The following ORC3 variants were observed in gnomAD, a reference collection of about 807,000 sequenced individuals.
ORC3 encodes origin recognition complex subunit 3.
Under a neutral mutation model 100.7 loss-of-function variants are expected in ORC3, and 78 were observed. The observed-to-expected ratio is 0.77, with a 90% CI of 0.65 to 0.94. ORC3 has a LOEUF of 0.94. Ranked by LOEUF, ORC3 falls within the 40% of genes least tolerant of loss-of-function variation. ORC3 has a pLI of 0.00. For synonymous variants in ORC3, 295 were observed against 289.3 expected (o/e 1.02, Z -0.20); for missense variants, 789 against 823.9 (o/e 0.96, Z 0.52).
At chr6:87,656,577 A>T (rs1343376209) in intron 14 of ORC3, among the ~76,000 whole-genome samples, 1 of 150,546 alleles carries the variant, frequency 6.6e-6, no homozygotes, top group South Asian at 2.1e-4. Flanking sequence ...ACAGAGCAAG[A>T]CTCCATCTGA....
intron 9 of ORC3, 65 bp downstream of exon 9, chr6:87,616,492 A>C: frequency 1.4e-6 from 1 of 710,852 alleles, no homozygotes; most frequent in Non-Finnish European, 2.6e-6. Flanking sequence ...ACATTATTTC[A>C]GGCTGTCTAG....
chr6:87,640,696 A>G (rs142939566), intron 13 of ORC3, among the ~76,000 whole-genome samples: 307 of 152,304 alleles, frequency 2.0e-3, no homozygotes, highest in African/African-American at 7.1e-3. Context: ...TTACCCCTCT[A>G]TTGGAGAAAA....
intron 19 of ORC3, 48 bp downstream of exon 19, chr6:87,665,881 T>A: frequency 8.7e-7 from 1 of 1,146,188 alleles, no homozygotes; most frequent in Non-Finnish European, 1.3e-6. Flanking sequence ...ACATAAAATA[T>A]AAGTTTATAA....
Position 87,663,117 on chromosome 6 carries a change from A to G in ORC3, c.1806A>G (p.Ala602=), listed in dbSNP as rs1162149812. The G allele has an allele frequency of 6.2e-7, 1 of 1,612,552 alleles. No homozygotes were observed. The highest frequency in any genetic ancestry group is 1.3e-5 in the African/African-American group (1 of 74,882). The change falls in exon 17 of 20, where the codon GCA becomes GCG. Residue 602 remains alanine, a synonymous_variant. Transcript: ENST00000392844. The part of the protein sequence containing the change: ...NAAPRIALHT[A]LNNPYYYLKN... ...CTCCGCGAATTGCCCTCCATACTGC[A>G]CTCAACAATCCTTACTATTATCTCA...
chr6:87,651,239 C>T lies in ORC3; in HGVS notation c.1383-1877C>T, dbSNP rs139408274. 1.1e-4 allele frequency: 52 copies of T among 456,230 alleles called. No individual in the cohort carries two copies. The East Asian group carries it at 3.2e-3, about 28-fold the overall frequency. 28.3% of individuals were successfully genotyped at this position (456,230 alleles called of 1,614,324 possible). ...AAAGTGGACAAGAGCTGTTGCTGCC[C>T]CTATCCTGGGAAGCTAATCCTTCAC... On this transcript the variant is annotated intron_variant, in intron 13 of 19. Transcript: ENST00000392844.
intron 11 of ORC3, among the ~76,000 whole-genome samples, chr6:87,632,696 C>G (rs1167530164): frequency 2.0e-5 from 3 of 152,050 alleles, no homozygotes; most frequent in Admixed American, 2.0e-4. Flanking sequence ...AACCCTATCT[C>G]TACTAAAAAT....
chr6:87,663,132 C>T lies in ORC3; in HGVS notation c.1821C>T (p.Tyr607=). 1.2e-6 allele frequency: 2 copies of T among 1,610,702 alleles called. No individual in the cohort carries two copies. The highest frequency in any genetic ancestry group is 8.5e-7 in the Non-Finnish European group (1 of 1,177,710). Residue 607 remains tyrosine (Y), a synonymous_variant, in exon 17 of 20, where the codon TAC becomes TAT. Transcript: ENST00000392844. ...TCCATACTGCACTCAACAATCCTTA[C>T]TATTATCTCAAGGTAAGATGAACAT... ...IALHTALNNP[Y]YYLKNEALKS... is the part of the protein sequence containing the mutation.
intron 11 of ORC3, among the ~76,000 whole-genome samples, chr6:87,626,858 T>C (rs1227058830): frequency 1.3e-5 from 2 of 151,962 alleles, no homozygotes; most frequent in Admixed American, 6.6e-5. Context: ...TAATCAAAGT[T>C]TGTTCAGCAA....
intron 14 of ORC3, among the ~76,000 whole-genome samples, chr6:87,655,942 A>G (rs933609080): frequency 2.6e-5 from 4 of 152,202 alleles, no homozygotes; most frequent in African/African-American, 9.6e-5. Context: ...TGTAGCTAAA[A>G]AGCAGTTTAT....
intron 13 of ORC3, among the ~76,000 whole-genome samples, chr6:87,641,002 G>A (rs1385018750): frequency 1.3e-5 from 2 of 152,022 alleles, no homozygotes; most frequent in South Asian, 2.1e-4. Flanking sequence ...CCAGCTACTC[G>A]GGAGGCTGAG....
chr6:87,664,716 T>G (rs1771840213), intron 17 of ORC3, 27 bp from the exon 18 acceptor site: 1 of 1,540,320 alleles, frequency 6.5e-7, no homozygotes, highest in African/African-American at 1.4e-5. Flanking sequence ...TAAAAGTTAG[T>G]CATCTTAGTT....
intron 2 of ORC3, among the ~76,000 whole-genome samples, chr6:87,598,125 G>A (rs896050121): frequency 2.0e-5 from 3 of 152,130 alleles, no homozygotes; most frequent in African/African-American, 7.2e-5. Flanking sequence ...GAGCTCCTGG[G>A]CTCCGGGAAT....
At position 87,634,317 on chromosome 6, in the gene ORC3, C is replaced by T. The variant is rs75590704; in HGVS notation, c.1186-528C>T. ...AAGAGGCAGGGACTCATCAGAATCA[C>T]TTGTGTTTCTGCCATAGTCTTTTCA... On this transcript the variant is annotated intron_variant, in intron 11 of 19. Transcript: ENST00000392844. Among the ~76,000 whole-genome samples the T allele has an allele frequency of 3.9e-5, 6 of 152,148 alleles. No individual in the cohort carries two copies. The East Asian group carries it at 5.8e-4, about 15-fold the overall frequency.
downstream of ORC3, among the ~76,000 whole-genome samples, chr6:87,667,654 C>T (rs1170520680): frequency 1.3e-5 from 2 of 151,626 alleles, no homozygotes; most frequent in African/African-American, 2.4e-5. Context: ...AAAGGCCAGG[C>T]GTGGTGGCTC....
chr6:87,620,077 A>G (rs1779429002), intron 9 of ORC3, among the ~76,000 whole-genome samples: 1 of 152,192 alleles, frequency 6.6e-6, no homozygotes, highest in African/African-American at 2.4e-5. Context: ...TGATTGACCC[A>G]GATATTGAAA....
intron 2 of ORC3, chr6:87,595,042 G>C (rs902783152): frequency 6.6e-6 from 1 of 152,166 alleles, no homozygotes; most frequent in African/African-American, 2.4e-5. Context: ...CTATCTGTAT[G>C]GAGCATTTTA....
At chr6:87,627,299 T>G (rs961096535) in intron 11 of ORC3, among the ~76,000 whole-genome samples, 1 of 94,532 alleles carries the variant, frequency 1.1e-5, no homozygotes, top group Admixed American at 1.1e-4. Flanking sequence ...GCGCCCAGCT[T>G]TTTTTTTTTT....
the ORC3 span, among the ~76,000 whole-genome samples, chr6:87,673,253 T>G: frequency 1.4e-5 from 2 of 146,490 alleles, no homozygotes; most frequent in Non-Finnish European, 3.0e-5. Context: ...CTCTGCCTCC[T>G]GAGTTCAAGC....
chr6:87,602,967 A>ATATATATATATATATG (rs1778065056), intron 3 of ORC3, among the ~76,000 whole-genome samples: 1 of 56,894 alleles, frequency 1.8e-5, no homozygotes, highest in Non-Finnish European at 3.4e-5. Flanking sequence ...ATATATATAT[A>ATATATATATATATATG]TATACATATA....
Sources: gnomAD v4.1 joint callset for allele counts (sites outside exome capture counted in the v4.1 genomes callset) on GRCh38, gnomAD v4.1.1 for gene constraint, MANE v1.5 for transcripts, NCBI Gene and HGNC (gene_info 2026-07-23, HGNC 2026-07-21) for gene names.